Variants in MYO5A observed in about 807,000 individuals in gnomAD.
The protein encoded by MYO5A is unconventional myosin-Va.
In MYO5A, 98 loss-of-function variants were observed where a neutral mutation model predicts 249.7. The observed-to-expected ratio is 0.39, with a 90% CI of 0.33 to 0.46. The LOEUF is 0.46. Among genes scored for constraint, MYO5A ranks in the 20% least tolerant of loss-of-function variants. The probability of loss-of-function intolerance (pLI) is 0.98; values close to 1 mark genes in which losing one functional copy is unlikely to be tolerated. For synonymous variants in MYO5A, 778 were observed against 810.6 expected (o/e 0.96, Z 0.68); for missense variants, 1,696 against 2,308.8 (o/e 0.73, Z 5.44).
rs143175899 is a variant in MYO5A, at chr15:52,428,838, A to G, written c.139-269T>C. On this transcript the variant is annotated intron_variant, in intron 2 of 41. Coordinates refer to ENST00000399233, the MANE Select transcript of MYO5A (RefSeq NM_001382347.1). Reference sequence around the variant, plus strand: ...CTTTTTCACCCACGTACTGAATCAGAAGTTTTAAACTTTTAAATATGTTTC... The same window carrying G: ...CTTTTTCACCCACGTACTGAATCAGGAGTTTTAAACTTTTAAATATGTTTC... 2.6e-5 allele frequency among the ~76,000 whole-genome samples: 4 copies of G among 152,330 alleles called. No individual in the cohort carries two copies. The East Asian group carries it at 7.7e-4, about 29-fold the overall frequency.
intron 25 of MYO5A, among the ~76,000 whole-genome samples, chr15:52,354,249 A>T (rs1334079511): frequency 6.6e-6 from 1 of 152,252 alleles, no homozygotes; most frequent in African/African-American, 2.4e-5. Context: ...AAAAAGATTC[A>T]TAATGCTCTG....
At chr15:52,512,960 A>G (rs2077423089) in intron 1 of MYO5A, among the ~76,000 whole-genome samples, 1 of 150,998 alleles carries the variant, frequency 6.6e-6, no homozygotes, top group African/African-American at 2.4e-5. Context: ...GTGAGCTGAG[A>G]TCGCACCAGT....
At chr15:52,422,221 ATG>A (rs1238677077) in intron 4 of MYO5A, among the ~76,000 whole-genome samples, 1 of 152,230 alleles carries the variant, frequency 6.6e-6, no homozygotes, top group Non-Finnish European at 1.5e-5. Context: ...TCTAAGGAGC[ATG>A]TTTAAAAAGA....
chr15:52,410,205 G>T, intron 6 of MYO5A, 128 bp downstream of exon 6: 1 of 1,119,402 alleles, frequency 8.9e-7, no homozygotes, highest in South Asian at 1.3e-5. Context: ...CAGTCCAAGT[G>T]TGGTTGGAGG....
intron 2 of MYO5A, among the ~76,000 whole-genome samples, chr15:52,431,094 T>C (rs1242598434): frequency 6.6e-6 from 1 of 151,164 alleles, no homozygotes; most frequent in Admixed American, 6.6e-5. Context: ...TAGCCAGGCA[T>C]GGTGGCATGC....
intron 1 of MYO5A, chr15:52,435,804 A>G: frequency 2.9e-6 from 1 of 350,616 alleles, no homozygotes; most frequent in South Asian, 2.2e-5. Context: ...TAAAGCCCTC[A>G]CACTCAGCAG....
At position 52,452,654 on chromosome 15, in the gene MYO5A, TG is replaced by T. The variant is rs1159044722; in HGVS notation, c.28-19370del. ...TTCCACACTGACAGGATATTCCCTTTGGGACCATCCTCATTCAGGATGGGCA... is the reference window on the plus strand; with the variant it reads ...TTCCACACTGACAGGATATTCCCTTTGGACCATCCTCATTCAGGATGGGCA... On this transcript the variant is annotated intron_variant, in intron 1 of 41. Transcript: ENST00000399233. 1.0e-3 allele frequency among the ~76,000 whole-genome samples: 159 copies of T among 152,166 alleles called. 1 individual carries two copies. The highest frequency in any genetic ancestry group is 3.8e-3 in the African/African-American group (156 of 41,508).
chr15:52,510,457 G>C (rs2077366258), intron 1 of MYO5A, among the ~76,000 whole-genome samples: 1 of 152,266 alleles, frequency 6.6e-6, no homozygotes, highest in Admixed American at 6.5e-5. Context: ...TCTAGGTCAA[G>C]GGTCCCCCAT....
chr15:52,350,093 C>T (rs1441731509), intron 28 of MYO5A, among the ~76,000 whole-genome samples: 1 of 152,168 alleles, frequency 6.6e-6, no homozygotes, highest in East Asian at 1.9e-4. Context: ...CCACCACACC[C>T]GGTTGATTTT....
Position 52,446,687 on chromosome 15 carries a change from C to T in MYO5A, c.28-13402G>A, listed in dbSNP as rs2075898054. On this transcript the variant is annotated intron_variant, in intron 1 of 41. Transcript: ENST00000399233. The stretch of plus-strand genomic sequence containing the variant: ...TCAACTCCAACCCATAAGAACAGCC[C>T]TAGGGGCTGAACCCTACAAAGCCAC... Among the ~76,000 whole-genome samples, 4 of 152,344 alleles carry T rather than the reference C, an allele frequency of 2.6e-5. No homozygotes were observed. In the South Asian group the frequency reaches 8.3e-4, roughly 32 times the overall value.
Position 52,336,521 on chromosome 15 carries a change from C to G in MYO5A, c.4350G>C (p.Thr1450=). 2 of 1,608,182 alleles carry G rather than the reference C, an allele frequency of 1.2e-6. No individual in the cohort carries two copies. Among genetic ancestry groups the G allele is most frequent in the Non-Finnish European group, 8.5e-7 (1 of 1,176,504 alleles). ...LMEQLEKQDK[T]VRKLKKQLKV... ...TCAGTTGTTTTTTCAGTTTACGGAC[C>G]GTCTTATCCTGTTTTTCAAGTTGTT... Residue 1450 remains threonine, a synonymous_variant, in exon 34 of 42, where the codon ACG becomes ACC. Coordinates refer to ENST00000399233, the MANE Select transcript of MYO5A (RefSeq NM_001382347.1).
chr15:52,326,781 G>C (rs1346270872), intron 36 of MYO5A, among the ~76,000 whole-genome samples: 1 of 152,082 alleles, frequency 6.6e-6, no homozygotes, highest in African/African-American at 2.4e-5. Context: ...GAGTCCACTG[G>C]CATGTTGACT....
In MYO5A at chr15:52,482,587, C is replaced by T. The variant is rs1051304867; in HGVS notation, c.27+46193G>A. ...AACTTTCATCACACATCAAAAACAACTCAACAAGGTGAAATTTATTCCATT... is the reference window on the plus strand; with the variant it reads ...AACTTTCATCACACATCAAAAACAATTCAACAAGGTGAAATTTATTCCATT... On this transcript the variant is annotated intron_variant, in intron 1 of 41. Coordinates refer to ENST00000399233, the MANE Select transcript of MYO5A (RefSeq NM_001382347.1). 5.9e-5 allele frequency among the ~76,000 whole-genome samples: 9 copies of T among 152,046 alleles called. No homozygotes were observed. In the South Asian group the frequency reaches 1.5e-3, roughly 25 times the overall value.
rs1248399518 is a variant in MYO5A, at chr15:52,319,305, C to T, written c.4989G>A (p.Val1663=). ...TCAACCCTGTGGGCTTCACCCCAGA[C>T]ACGCCCTGAATCGTTTCATGTTCCA... ...GMLEHETIQG[V]SGVKPTGLRK... The change falls in exon 39 of 42, where the codon GTG becomes GTA. Residue 1663 remains valine (V), a synonymous_variant. Coordinates refer to ENST00000399233, the MANE Select transcript of MYO5A (RefSeq NM_001382347.1). The T allele has an allele frequency of 1.2e-6, 2 of 1,614,200 alleles. No individual in the cohort carries two copies. Among genetic ancestry groups the T allele is most frequent in the Non-Finnish European group, 1.7e-6 (2 of 1,180,036 alleles).
At chr15:52,450,544 C>G (rs1250920472) in intron 1 of MYO5A, among the ~76,000 whole-genome samples, 1 of 151,694 alleles carries the variant, frequency 6.6e-6, no homozygotes, top group South Asian at 2.1e-4. Flanking sequence ...TGGTGCACGC[C>G]TGTAGTCCCA....
chr15:52,469,491 G>A (rs1385160764), intron 1 of MYO5A, among the ~76,000 whole-genome samples: 1 of 152,172 alleles, frequency 6.6e-6, no homozygotes, highest in Non-Finnish European at 1.5e-5. Flanking sequence ...AGGAGGAGGA[G>A]GAAGAGGAGG....
intron 20 of MYO5A, among the ~76,000 whole-genome samples, chr15:52,373,626 C>T (rs2041245721): frequency 6.6e-6 from 1 of 152,142 alleles, no homozygotes; most frequent in Non-Finnish European, 1.5e-5. Flanking sequence ...CTCTACGCTA[C>T]CACCTTCCAC....
chr15:52,457,221 T>C (rs2076136236), intron 1 of MYO5A, among the ~76,000 whole-genome samples: 1 of 152,198 alleles, frequency 6.6e-6, no homozygotes, highest in South Asian at 2.1e-4. Context: ...GCAGGTAGAC[T>C]GCTTGAGCTC....
At chr15:52,407,252 AG>A in intron 8 of MYO5A, 39 bp downstream of exon 8, 1 of 1,447,274 alleles carries the variant, frequency 6.9e-7, no homozygotes, top group South Asian at 1.1e-5. Context: ...TGAGTAAAAA[AG>A]CTATTCCTCT....
Sources: allele counts gnomAD v4.1 joint callset (sites outside exome capture counted in the v4.1 genomes callset), GRCh38; gene constraint gnomAD v4.1.1; transcripts MANE v1.5; gene names NCBI Gene and HGNC (gene_info 2026-07-23, HGNC 2026-07-21).